TYW1B: variants seen among roughly 807,000 people sequenced by gnomAD.
TYW1B encodes S-adenosyl-L-methionine-dependent tRNA 4-demethylwyosine synthase TYW1B.
In TYW1B, 73 loss-of-function variants were observed where a neutral mutation model predicts 86.9. That is an observed-to-expected ratio of 0.84 (90% CI 0.70 to 1.02). The LOEUF (loss-of-function observed/expected upper bound fraction) is 1.02, where lower values mean the gene tolerates loss of function less well. TYW1B is among the 50% of genes least tolerant of loss of function. TYW1B has a pLI of 0.00. For synonymous variants in TYW1B, 248 were observed against 292.8 expected (o/e 0.85, Z 1.56); for missense variants, 637 against 827.4 (o/e 0.77, Z 2.82).
In TYW1B at chr7:72,810,670, C is replaced by T. The variant is rs1450864137; in HGVS notation, c.238-5G>A. ...ACAGACATTTTTACTAGTCACCTAA[C>T]CAAGAAAGTAATTGTTTCAGTGGAA... On this transcript the variant is annotated splice_region_variant and splice_polypyrimidine_tract_variant and intron_variant, in intron 3 of 13. Coordinates refer to ENST00000620995, the MANE Select transcript of TYW1B (RefSeq NM_001145440.3). The T allele has an allele frequency of 6.3e-7, 1 of 1,593,736 alleles. No individual in the cohort carries two copies. The highest frequency in any genetic ancestry group is 8.6e-7 in the Non-Finnish European group (1 of 1,169,516).
intron 5 of TYW1B, among the ~76,000 whole-genome samples, chr7:72,804,936 A>G (rs1472353053): frequency 2.0e-5 from 3 of 152,172 alleles, no homozygotes; most frequent in Admixed American, 6.6e-5. Context: ...TTTCTAATGG[A>G]AAGACTCATG....
chr7:72,652,752 T>C (rs1813096557), intron 11 of TYW1B, among the ~76,000 whole-genome samples: 1 of 152,196 alleles, frequency 6.6e-6, no homozygotes, highest in African/African-American at 2.4e-5. Flanking sequence ...TGATGAAATA[T>C]TAACATGTGG....
intron 11 of TYW1B, among the ~76,000 whole-genome samples, chr7:72,639,720 G>T (rs1202395964): frequency 6.6e-6 from 1 of 152,044 alleles, no homozygotes; most frequent in Non-Finnish European, 1.5e-5. Flanking sequence ...AAAAAAAATA[G>T]CCAGGCGTGG....
In TYW1B at chr7:72,628,794, A is replaced by G. The variant is rs573420587; in HGVS notation, c.1617+93T>C. On this transcript the variant is annotated intron_variant, in intron 12 of 13. Transcript: ENST00000620995. ...CATCAATAAAATTCCTGGGACCTCTAGAGTTTTACAAGGTTTTAACTCCAC... is the reference window on the plus strand; with the variant it reads ...CATCAATAAAATTCCTGGGACCTCTGGAGTTTTACAAGGTTTTAACTCCAC... 2,943 of 912,014 alleles carry G rather than the reference A, an allele frequency of 3.2e-3. 48 individuals carry two copies. The African/African-American group carries it at 0.043, about 13-fold the overall frequency. 56.5% of individuals were successfully genotyped at this position (912,014 alleles called of 1,614,324 possible).
intron 9 of TYW1B, among the ~76,000 whole-genome samples, chr7:72,724,218 T>C (rs1274577913): frequency 6.6e-6 from 1 of 152,146 alleles, no homozygotes; most frequent in African/African-American, 2.4e-5. Flanking sequence ...ATGCCTGTAA[T>C]CCCAGTACTT....
intron 2 of TYW1B, among the ~76,000 whole-genome samples, chr7:72,816,921 C>T (rs1554479566): frequency 1.3e-5 from 2 of 152,164 alleles, no homozygotes; most frequent in African/African-American, 4.8e-5. Context: ...GAGTTGCATC[C>T]TTTATAATAA....
intron 8 of TYW1B, among the ~76,000 whole-genome samples, chr7:72,733,192 A>ACACACACT: frequency 1.0e-5 from 1 of 99,620 alleles, no homozygotes; most frequent in South Asian, 3.2e-4. Flanking sequence ...ACACACACAC[A>ACACACACT]CACACACCTC....
At position 72,812,101 on chromosome 7, in the gene TYW1B, G is replaced by A. The variant is rs193080031; in HGVS notation, c.238-1436C>T. Among the ~76,000 whole-genome samples the A allele has an allele frequency of 1.0e-3, 152 of 150,620 alleles. 2 individuals carry two copies. In the South Asian group the frequency reaches 0.013, roughly 13 times the overall value. ...ATACAGGCTGGGTATCCATTATCCA[G>A]AATGTTTGGGATGGGAAGTGTTTTG... is the stretch of plus-strand genomic sequence containing the variant. On this transcript the variant is annotated intron_variant, in intron 3 of 13. Coordinates refer to ENST00000620995, the MANE Select transcript of TYW1B (RefSeq NM_001145440.3).
At chr7:72,655,139 G>C (rs537608916) in intron 11 of TYW1B, among the ~76,000 whole-genome samples, 2 of 152,232 alleles carry the variant, frequency 1.3e-5, no homozygotes, top group South Asian at 4.2e-4. Context: ...ACCTCGAAAA[G>C]AGCATCTAAG....
intron 6 of TYW1B, among the ~76,000 whole-genome samples, chr7:72,802,052 T>C (rs2129572506): frequency 6.6e-6 from 1 of 152,286 alleles, no homozygotes; most frequent in South Asian, 2.1e-4. Context: ...TTTTTTTTTT[T>C]TTTAGCTCAT....
intron 8 of TYW1B, among the ~76,000 whole-genome samples, chr7:72,735,128 G>C (rs2129571169): frequency 6.6e-6 from 1 of 152,322 alleles, no homozygotes; most frequent in African/African-American, 2.4e-5. Flanking sequence ...AAGGAAATCA[G>C]TATGTTGAAG....
At position 72,791,660 on chromosome 7, in the gene TYW1B, C is replaced by T. The variant is rs1205320902; in HGVS notation, c.846+10740G>A. 1.2e-4 allele frequency among the ~76,000 whole-genome samples: 18 copies of T among 152,234 alleles called. 1 individual carries two copies. Among genetic ancestry groups the T allele is most frequent in the African/African-American group, 4.1e-4 (17 of 41,546 alleles). On this transcript the variant is annotated intron_variant, in intron 6 of 13. Transcript: ENST00000620995. ...GGCATGGTGGCATGCACCTGTAGTCCCAGCTACTCGGGAGGCTAAAGCAGG... is the reference window on the plus strand; with the variant it reads ...GGCATGGTGGCATGCACCTGTAGTCTCAGCTACTCGGGAGGCTAAAGCAGG...
chr7:72,777,566 T>C, intron 6 of TYW1B, 33 bp from the exon 7 acceptor site: 1 of 1,612,210 alleles, frequency 6.2e-7, no homozygotes, highest in Non-Finnish European at 8.5e-7. Context: ...AATCCAGAAT[T>C]GGCAATGTGC....
intron 10 of TYW1B, among the ~76,000 whole-genome samples, chr7:72,709,157 A>C (rs1204374320): frequency 1.3e-5 from 2 of 152,206 alleles, no homozygotes; most frequent in African/African-American, 4.8e-5. Flanking sequence ...TAATCTGCAG[A>C]TCTCAGACTT....
chr7:72,666,398 C>T (rs1158642851), intron 11 of TYW1B, among the ~76,000 whole-genome samples: 2 of 152,082 alleles, frequency 1.3e-5, no homozygotes, highest in Admixed American at 6.5e-5. Context: ...TATGCTCCAG[C>T]CTGGGCAACA....
intron 1 of TYW1B, 114 bp from the exon 2 acceptor site, chr7:72,827,099 A>G: frequency 7.4e-7 from 1 of 1,354,362 alleles, no homozygotes; most frequent in Non-Finnish European, 1.0e-6. Flanking sequence ...AACCCAGCTA[A>G]GAAATCTAAT....
chr7:72,698,808 C>CAGT (rs1814387825), intron 10 of TYW1B, among the ~76,000 whole-genome samples: 1 of 152,144 alleles, frequency 6.6e-6, no homozygotes, highest in Admixed American at 6.6e-5. Flanking sequence ...ATGTAACAAA[C>CAGT]AGTATTCCAT....
intron 11 of TYW1B, among the ~76,000 whole-genome samples, chr7:72,631,119 C>T (rs1563037806): frequency 6.6e-6 from 1 of 151,828 alleles, no homozygotes. Context: ...AAATCAAACG[C>T]CATTTGGTAA....
At chr7:72,600,629 T>A (rs1419470457) in intron 13 of TYW1B, among the ~76,000 whole-genome samples, 3 of 152,124 alleles carry the variant, frequency 2.0e-5, no homozygotes, top group African/African-American at 7.2e-5. Context: ...ATCCAAAATA[T>A]ATAAAGAACT....
Sources: gnomAD v4.1 joint callset for allele counts (sites outside exome capture counted in the v4.1 genomes callset) on GRCh38, gnomAD v4.1.1 for gene constraint, MANE v1.5 for transcripts, NCBI Gene and HGNC (gene_info 2026-07-23, HGNC 2026-07-21) for gene names.